Variants in FARP2 observed in about 807,000 individuals in gnomAD.
FARP2 encodes FERM, ARHGEF and pleckstrin domain-containing protein 2.
FARP2 carries 111 observed loss-of-function variants against 130.5 expected under a neutral mutation model. The observed-to-expected ratio is 0.85, with a 90% confidence interval of 0.73 to 1.00. FARP2 has a LOEUF of 1.00. Ranked by LOEUF, FARP2 falls within the 50% of genes least tolerant of loss-of-function variation. The pLI, the probability that FARP2 is intolerant of heterozygous loss-of-function variation, is 0.00. For missense variants in FARP2, 1,385 were observed against 1,346.3 expected, an observed-to-expected ratio of 1.03 and a Z score of -0.45; for synonymous variants, 504 against 516.9, an observed-to-expected ratio of 0.98 and a Z score of 0.34.
intron 2 of FARP2, among the ~76,000 whole-genome samples, chr2:241,383,173 C>T (rs994694418): frequency 1.3e-5 from 2 of 152,220 alleles, no homozygotes; most frequent in Non-Finnish European, 2.9e-5. Flanking sequence ...CCTCTGCCGT[C>T]GGAGCTGGGA....
Position 241,493,027 on chromosome 2 carries a change from A to C in FARP2, c.2886A>C (p.Lys962Asn), listed in dbSNP as rs1574923948. 3.8e-6 allele frequency: 6 copies of C among 1,582,414 alleles called. No individual in the cohort carries two copies. Among genetic ancestry groups the C allele is most frequent in the African/African-American group, 1.3e-5 (1 of 74,342 alleles). ...CCAACTTCTGTTTGTTCTTCTACAA[A>C]ACTCATCAGGTACTGGAGTTTCACT... Reference protein sequence around the residue: ...VFTNFCLFFYKTHQDDYPLAS... With the variant: ...VFTNFCLFFYNTHQDDYPLAS... The change falls in exon 25 of 27, where the codon AAA (lysine) becomes AAC (asparagine). Residue 962 changes from lysine to asparagine, a missense_variant. Transcript: ENST00000264042.
intron 13 of FARP2, among the ~76,000 whole-genome samples, chr2:241,448,134 G>A (rs1278673251): frequency 6.6e-6 from 1 of 152,200 alleles, no homozygotes; most frequent in Non-Finnish European, 1.5e-5. Context: ...CCATGGATGG[G>A]TAGTTACTTC....
intron 11 of FARP2, among the ~76,000 whole-genome samples, chr2:241,435,897 T>C (rs891334837): frequency 6.8e-6 from 1 of 147,936 alleles, no homozygotes; most frequent in Admixed American, 6.9e-5. Flanking sequence ...TATTTTTACA[T>C]AGTATAGTAA....
intron 17 of FARP2, among the ~76,000 whole-genome samples, chr2:241,465,247 G>T (rs2064138262): frequency 1.3e-5 from 2 of 151,920 alleles, no homozygotes; most frequent in South Asian, 2.1e-4. Context: ...CAATGGGTCT[G>T]CCCAGAACAG....
intron 13 of FARP2, among the ~76,000 whole-genome samples, chr2:241,451,258 G>A (rs1284132157): frequency 6.6e-6 from 1 of 152,132 alleles, no homozygotes; most frequent in Non-Finnish European, 1.5e-5. Context: ...ACAGGCATGA[G>A]CCACCACTCC....
At chr2:241,453,879 G>A (rs1322047089) in intron 13 of FARP2, among the ~76,000 whole-genome samples, 1 of 141,236 alleles carries the variant, frequency 7.1e-6, no homozygotes, top group Non-Finnish European at 1.5e-5. Context: ...CACCTCCCGG[G>A]TTCAAGCAAT....
At chr2:241,385,700 A>T (rs1348947202) in intron 2 of FARP2, among the ~76,000 whole-genome samples, 2 of 152,150 alleles carry the variant, frequency 1.3e-5, no homozygotes, top group Admixed American at 1.3e-4. Context: ...AGCCTGGGTG[A>T]CAGAGCCAGA....
chr2:241,436,882 G>T (rs1045860123), intron 12 of FARP2, among the ~76,000 whole-genome samples: 1 of 152,176 alleles, frequency 6.6e-6, no homozygotes, highest in Admixed American at 6.5e-5. Context: ...GCTACTCAGG[G>T]AGCTGAGGTG....
At chr2:241,447,629 C>T (rs2063541941) in intron 13 of FARP2, among the ~76,000 whole-genome samples, 1 of 152,164 alleles carries the variant, frequency 6.6e-6, no homozygotes, top group Non-Finnish European at 1.5e-5. Context: ...CAGGGGAGGA[C>T]GTGAACAAGA....
chr2:241,455,631 C>CT (rs1559787871), intron 13 of FARP2, among the ~76,000 whole-genome samples: 3 of 151,982 alleles, frequency 2.0e-5, no homozygotes. Flanking sequence ...GTCCACCCCC[C>CT]TCAGCCTCCC....
chr2:241,451,253 C>T (rs1168353799), intron 13 of FARP2, among the ~76,000 whole-genome samples: 2 of 152,154 alleles, frequency 1.3e-5, no homozygotes, highest in Admixed American at 6.5e-5. Flanking sequence ...AGATTACAGG[C>T]ATGAGCCACC....
At chr2:241,478,636 C>A in intron 19 of FARP2, 1 of 505,246 alleles carries the variant, frequency 2.0e-6, no homozygotes, top group Non-Finnish European at 4.0e-6. Context: ...TTAACAAAGA[C>A]CTTGTGGAGG....
Position 241,464,213 on chromosome 2 carries a change from C to T in FARP2, c.1893+233C>T, listed in dbSNP as rs1228045469. Among the ~76,000 whole-genome samples the T allele has an allele frequency of 7.4e-5, 11 of 147,908 alleles. No homozygotes were observed. In the East Asian group the frequency reaches 2.2e-3, roughly 30 times the overall value. ...GAGCAGGGTCCCCTCAGAATAGGATCCCCCCCAGACCAGGGTCCCCCTCAG... is the reference window on the plus strand; with the variant it reads ...GAGCAGGGTCCCCTCAGAATAGGATTCCCCCCAGACCAGGGTCCCCCTCAG... On this transcript the variant is annotated intron_variant, in intron 17 of 26. Coordinates refer to ENST00000264042, the MANE Select transcript of FARP2 (RefSeq NM_014808.4).
intron 18 of FARP2, among the ~76,000 whole-genome samples, chr2:241,469,057 T>C (rs1399167569): frequency 6.6e-6 from 1 of 151,850 alleles, no homozygotes; most frequent in Non-Finnish European, 1.5e-5. Context: ...AGGAGGTTTT[T>C]TGTTTTTGTT....
chr2:241,468,481 A>G (rs1402549007), intron 18 of FARP2, 104 bp downstream of exon 18: 1 of 810,280 alleles, frequency 1.2e-6, no homozygotes. Flanking sequence ...GAAGCGCAGG[A>G]GTCCACCCCA....
intron 13 of FARP2, chr2:241,442,643 T>C (rs1174733583): frequency 1.5e-5 from 5 of 339,538 alleles, no homozygotes; most frequent in Non-Finnish European, 2.3e-5. Context: ...TGGATAGATA[T>C]TCAATTTTTT....
At chr2:241,387,666 G>A (rs553159973) in intron 2 of FARP2, among the ~76,000 whole-genome samples, 1 of 152,034 alleles carries the variant, frequency 6.6e-6, no homozygotes, top group Non-Finnish European at 1.5e-5. Flanking sequence ...GGTGGTGGGT[G>A]CCTGTAGTCC....
At chr2:241,441,605 G>C (rs563940577) in intron 13 of FARP2, 49 bp downstream of exon 13, 2 of 1,613,330 alleles carry the variant, frequency 1.2e-6, no homozygotes, top group African/African-American at 1.3e-5. Flanking sequence ...GTCTGTGCTG[G>C]GGGGCAGAGT....
intron 8 of FARP2, among the ~76,000 whole-genome samples, chr2:241,425,311 A>G (rs1434372508): frequency 1.3e-5 from 2 of 152,198 alleles, no homozygotes; most frequent in African/African-American, 4.8e-5. Flanking sequence ...CAATTGCAAC[A>G]AAAGCAAAAA....
Sources: allele counts gnomAD v4.1 joint callset (sites outside exome capture counted in the v4.1 genomes callset), GRCh38; gene constraint gnomAD v4.1.1; transcripts MANE v1.5; gene names NCBI Gene and HGNC (gene_info 2026-07-23, HGNC 2026-07-21).